Variants in MCTP2 observed in about 807,000 individuals in gnomAD.
The protein encoded by MCTP2 is multiple C2 and transmembrane domain containing 2.
MCTP2 carries 132 observed loss-of-function variants against 111.6 expected under a neutral mutation model. The observed-to-expected ratio is 1.18, with a 90% confidence interval of 1.03 to 1.37. The LOEUF is 1.37. Among genes scored for constraint, MCTP2 ranks in the 40% most tolerant of loss-of-function variants. MCTP2 has a pLI of 0.00. For synonymous variants in MCTP2, 395 were observed against 387.7 expected, an observed-to-expected ratio of 1.02 and a Z score of -0.22; for missense variants, 1,183 against 1,067.9, an observed-to-expected ratio of 1.11 and a Z score of -1.50.
intron 17 of MCTP2, chr15:94,402,807 G>T: frequency 7.3e-7 from 1 of 1,379,034 alleles, no homozygotes. Context: ...ATTCATTTCT[G>T]TCCTGTGCAA....
chr15:94,415,285 C>G (rs2082322173), intron 17 of MCTP2, among the ~76,000 whole-genome samples: 1 of 152,148 alleles, frequency 6.6e-6, no homozygotes. Context: ...TGAAGTTTAT[C>G]TGTCTTTCCA....
chr15:94,464,257 T>TTTTATA (rs1555481315), intron 20 of MCTP2, among the ~76,000 whole-genome samples: 2 of 44,948 alleles, frequency 4.4e-5, no homozygotes, highest in Admixed American at 2.6e-4. Flanking sequence ...TATATATATA[T>TTTTATA]TATATATATA....
chr15:94,336,347 C>A (rs1475151704), intron 4 of MCTP2, among the ~76,000 whole-genome samples: 1 of 152,166 alleles, frequency 6.6e-6, no homozygotes, highest in East Asian at 1.9e-4. Context: ...CATCTTCATT[C>A]CCAGGTTCAC....
At chr15:94,466,688 C>T (rs777636443) in intron 20 of MCTP2, among the ~76,000 whole-genome samples, 2 of 152,234 alleles carry the variant, frequency 1.3e-5, no homozygotes, top group South Asian at 4.1e-4. Flanking sequence ...AGCTCAGAAT[C>T]CCAATATTTG....
At chr15:94,268,970 T>C (rs1039930998) in intron 1 of MCTP2, among the ~76,000 whole-genome samples, 28 of 152,340 alleles carry the variant, frequency 1.8e-4, no homozygotes, top group African/African-American at 6.5e-4. Flanking sequence ...ATTTTTAAAC[T>C]ATTAGCATAA....
chr15:94,357,475 T>G (rs534863184), intron 9 of MCTP2, among the ~76,000 whole-genome samples: 5 of 152,230 alleles, frequency 3.3e-5, no homozygotes, highest in Admixed American at 2.0e-4. Flanking sequence ...AAGTGTAGAA[T>G]TAGTTCAGTA....
chr15:94,356,224 G>A lies in MCTP2; in HGVS notation c.1093G>A (p.Gly365Arg). ...GATTATAAGTATAACTTTGTTGGAAGGGAAGAATGTCTCAGGAGGAAGCAT... is the reference window on the plus strand; with the variant it reads ...GATTATAAGTATAACTTTGTTGGAAAGGAAGAATGTCTCAGGAGGAAGCAT... Reference protein sequence around the residue: ...NGIISITLLEGKNVSGGSMTE... With the variant: ...NGIISITLLERKNVSGGSMTE... The change falls in exon 9 of 23, where the codon GGG becomes AGG. Residue 365 changes from glycine (G) to arginine (R), a missense_variant. By Grantham distance (125) the Gly-to-Arg change is moderately radical. Transcript: ENST00000357742. 4 of 1,613,512 alleles carry A rather than the reference G, an allele frequency of 2.5e-6. No individual in the cohort carries two copies. The highest frequency in any genetic ancestry group is 3.4e-6 in the Non-Finnish European group (4 of 1,179,684).
intron 17 of MCTP2, among the ~76,000 whole-genome samples, chr15:94,414,360 A>G (rs2082285426): frequency 6.6e-6 from 1 of 152,118 alleles, no homozygotes; most frequent in African/African-American, 2.4e-5. Context: ...CTCATGAGGG[A>G]GAGGAGTGGA....
chr15:94,419,267 A>G (rs896248410), intron 17 of MCTP2, among the ~76,000 whole-genome samples: 12 of 152,300 alleles, frequency 7.9e-5, no homozygotes, highest in African/African-American at 2.9e-4. Context: ...AGGTCACTTT[A>G]TGACACATAG....
chr15:94,376,506 G>A (rs1333140730), intron 12 of MCTP2, among the ~76,000 whole-genome samples: 1 of 152,132 alleles, frequency 6.6e-6, no homozygotes, highest in Non-Finnish European at 1.5e-5. Flanking sequence ...ATGTCCTCAT[G>A]GGTATTTTAA....
intron 1 of MCTP2, among the ~76,000 whole-genome samples, chr15:94,244,691 T>G (rs569108755): frequency 8.7e-5 from 13 of 149,478 alleles, no homozygotes; most frequent in African/African-American, 3.2e-4. Context: ...TATATACGTA[T>G]ATGTATACAC....
chr15:94,245,400 G>T (rs1161699314), intron 1 of MCTP2, among the ~76,000 whole-genome samples: 2 of 51,272 alleles, frequency 3.9e-5, no homozygotes, highest in Non-Finnish European at 9.6e-5. Flanking sequence ...ATATACATGT[G>T]TGTATATATT....
intron 1 of MCTP2, among the ~76,000 whole-genome samples, chr15:94,253,732 T>C (rs2072589870): frequency 6.9e-6 from 1 of 145,596 alleles, no homozygotes; most frequent in Non-Finnish European, 1.5e-5. Flanking sequence ...TTAAAGTCTC[T>C]CTTTTTTTTT....
chr15:94,473,089 A>G (rs866947462), intron 21 of MCTP2, among the ~76,000 whole-genome samples: 3 of 152,086 alleles, frequency 2.0e-5, no homozygotes, highest in South Asian at 2.1e-4. Context: ...AAATGTAACT[A>G]TATATACTAG....
intron 3 of MCTP2, among the ~76,000 whole-genome samples, chr15:94,315,222 A>G (rs2076326287): frequency 6.6e-6 from 1 of 152,160 alleles, no homozygotes; most frequent in African/African-American, 2.4e-5. Flanking sequence ...GAGTTTTATA[A>G]CAAGGGATCC....
intron 2 of MCTP2, among the ~76,000 whole-genome samples, chr15:94,308,118 T>A (rs2075969509): frequency 6.6e-6 from 1 of 152,204 alleles, no homozygotes; most frequent in African/African-American, 2.4e-5. Flanking sequence ...ACAGTGTCTG[T>A]CTGAGAAAAG....
At chr15:94,469,224 A>T (rs2073694802) in intron 20 of MCTP2, among the ~76,000 whole-genome samples, 1 of 152,180 alleles carries the variant, frequency 6.6e-6, no homozygotes, top group African/African-American at 2.4e-5. Flanking sequence ...TTAAATCTGT[A>T]TGTGAAGATG....
chr15:94,290,256 A>G (rs1259016748), intron 1 of MCTP2, among the ~76,000 whole-genome samples: 1 of 152,214 alleles, frequency 6.6e-6, no homozygotes, highest in East Asian at 1.9e-4. Context: ...TTTTTAAGCC[A>G]CTAATTTTTT....
chr15:94,337,812 A>C (rs942904198), intron 4 of MCTP2, among the ~76,000 whole-genome samples: 12 of 149,034 alleles, frequency 8.1e-5, no homozygotes, highest in African/African-American at 2.5e-4. Context: ...AGCTTATTTA[A>C]TTTTTGTTTA....
Sources: gnomAD v4.1 joint callset for allele counts (sites outside exome capture counted in the v4.1 genomes callset) on GRCh38, gnomAD v4.1.1 for gene constraint, MANE v1.5 for transcripts, NCBI Gene and HGNC (gene_info 2026-07-23, HGNC 2026-07-21) for gene names.